Variants in MMEL1 observed in about 807,000 individuals in gnomAD.
The protein encoded by MMEL1 is membrane metalloendopeptidase like 1, also known as membrane metallo-endopeptidase-like 1.
A neutral mutation model predicts 117.1 loss-of-function variants in MMEL1; 98 were observed. That is an observed-to-expected ratio of 0.84 (90% CI 0.71 to 0.99). The LOEUF is 0.99. Among genes scored for constraint, MMEL1 ranks in the 50% least tolerant of loss-of-function variants. The pLI, the probability that MMEL1 is intolerant of heterozygous loss-of-function variation, is 0.00. For missense variants in MMEL1, 1,014 were observed against 1,049.1 expected (o/e 0.97, Z 0.46); for synonymous variants, 390 against 415.1 (o/e 0.94, Z 0.74).
chr1:2,590,857 C>T lies in MMEL1; in HGVS notation c.*133G>A. ...AGGTGGCTGCACCCTAGGCCAGGCG[C>T]AGAGGCCTGGCAGGCAGGCTTGGCA... is the stretch of plus-strand genomic sequence containing the variant. On this transcript the variant is annotated 3_prime_UTR_variant, in exon 24 of 24. Transcript: ENST00000378412. 1 of 646,648 alleles carries T rather than the reference C, an allele frequency of 1.5e-6. No individual in the cohort carries two copies. The highest frequency in any genetic ancestry group is 2.3e-6 in the Non-Finnish European group (1 of 426,378). The allele number at this position is 646,648 out of a possible 1,614,324, so 40.1% of individuals were successfully genotyped here.
At chr1:2,598,960 T>C (rs1644890013) in intron 11 of MMEL1, among the ~76,000 whole-genome samples, 170 bp from the exon 12 acceptor site, 1 of 152,102 alleles carries the variant, frequency 6.6e-6, no homozygotes, top group Admixed American at 6.5e-5. Context: ...CCTACAGCTG[T>C]AAAAACCCAA....
In MMEL1 at chr1:2,590,787, G is replaced by C; in HGVS notation, c.*203C>G. The C allele has an allele frequency of 2.4e-6, 1 of 411,304 alleles. No individual in the cohort carries two copies. The highest frequency in any genetic ancestry group is 4.3e-6 in the Non-Finnish European group (1 of 233,808). 25.5% of individuals were successfully genotyped at this position (411,304 alleles called of 1,614,324 possible). On this transcript the variant is annotated 3_prime_UTR_variant, in exon 24 of 24. Transcript: ENST00000378412. Reference sequence around the variant, plus strand: ...CGCGGGTGTCTGTGGAGGGGGCTCCGGTCCAGGTACTGCACTGGACACTGC... The same window carrying C: ...CGCGGGTGTCTGTGGAGGGGGCTCCCGTCCAGGTACTGCACTGGACACTGC...
intron 19 of MMEL1, 83 bp from the exon 20 acceptor site, chr1:2,593,049 T>TCCTGCCCCTCCTGCAG (rs1553137545): frequency 1.3e-6 from 2 of 1,517,802 alleles, no homozygotes; most frequent in Non-Finnish European, 8.9e-7. Flanking sequence ...GCCTGGCCGC[T>TCCTGCCCCTCCTGCAG]CCTGCCCCTC....
At position 2,595,672 on chromosome 1, in the gene MMEL1, G is replaced by C. The variant is rs1644824506; in HGVS notation, c.1501-313C>G. 6.6e-6 allele frequency among the ~76,000 whole-genome samples: 1 copy of C among 152,142 alleles called. No individual in the cohort carries two copies. The highest frequency in any genetic ancestry group is 1.5e-5 in the Non-Finnish European group (1 of 68,010). ...GGCTGCCGTCTGTCACTTGGGTCCA[G>C]AGGAGCTTCTGGTGGGTCTGACCCT... On this transcript the variant is annotated intron_variant, in intron 15 of 23. Transcript: ENST00000378412. The surrounding 1 kb of genome is among the most constrained non-coding windows in gnomAD (Gnocchi z 4.8).
chr1:2,611,260 C>T (rs369344739), intron 4 of MMEL1, 21 bp downstream of exon 4: 5 of 1,569,572 alleles, frequency 3.2e-6, no homozygotes, highest in East Asian at 2.4e-5. Context: ...AGGCTGTGGA[C>T]GGCAAGGGGG....
Position 2,591,017 on chromosome 1 carries a change from G to T in MMEL1, c.2313C>A (p.His771Gln), listed in dbSNP as rs750816175. 3.1e-6 allele frequency: 5 copies of T among 1,603,880 alleles called. No homozygotes were observed. The highest frequency in any genetic ancestry group is 4.3e-6 in the Non-Finnish European group (5 of 1,176,306). The part of the protein sequence containing the change: ...TFHCARGTPM[H>Q]PKERCRVW ...ACCACACGCGGCATCGCTCCTTGGG[G>T]TGCATGGGGGTGCCCCGGGCACAGT... The change falls in exon 24 of 24, where the codon CAC becomes CAA. Residue 771 changes from histidine (H) to glutamine (Q), a missense_variant. Coordinates refer to ENST00000378412, the MANE Select transcript of MMEL1 (RefSeq NM_033467.4).
At chr1:2,619,636 C>T (rs1282898263) in intron 2 of MMEL1, among the ~76,000 whole-genome samples, 4 of 131,092 alleles carry the variant, frequency 3.1e-5, no homozygotes, top group African/African-American at 9.0e-5. Flanking sequence ...CCAGCCTGGG[C>T]GACAGAGTGA....
In MMEL1 at chr1:2,611,357, G is replaced by C; in HGVS notation, c.233-17C>G. On this transcript the variant is annotated splice_polypyrimidine_tract_variant and intron_variant, in intron 3 of 23. Coordinates refer to ENST00000378412, the MANE Select transcript of MMEL1 (RefSeq NM_033467.4). ...CTGGGATCCCTGCGGGCAAGGAGCA[G>C]CCTGAGCACCGGGAGCCACGGAGAG... is the stretch of plus-strand genomic sequence containing the variant. 1 of 1,506,816 alleles carries C rather than the reference G, an allele frequency of 6.6e-7. No homozygotes were observed. The highest frequency in any genetic ancestry group is 1.3e-5 in the South Asian group (1 of 76,790). The allele number at this position is 1,506,816 out of a possible 1,614,324, so 93.3% of individuals were successfully genotyped here.
Position 2,596,622 on chromosome 1 carries a change from A to G in MMEL1, c.1340T>C (p.Met447Thr), listed in dbSNP as rs1456573133. ...GTAGAGGGAGCCCACGGCGTTCTCC[A>G]TGTTGCTGTTGACGTAGCCCACACA... Reference protein sequence around the residue: ...RECVGYVNSNMENAVGSLYVR... With the variant: ...RECVGYVNSNTENAVGSLYVR... The change falls in exon 14 of 24, where the codon ATG becomes ACG. Residue 447 changes from methionine (M) to threonine (T), a missense_variant. Met to Thr is a moderately conservative substitution (Grantham distance 81). Transcript: ENST00000378412. 2 of 1,613,240 alleles carry G rather than the reference A, an allele frequency of 1.2e-6. No homozygotes were observed. The highest frequency in any genetic ancestry group is 3.3e-5 in the Admixed American group (2 of 60,020).
At position 2,596,101 on chromosome 1, in the gene MMEL1, C is replaced by T. The variant is rs1644834805; in HGVS notation, c.1408G>A (p.Glu470Lys). Residue 470 changes from glutamate to lysine, a missense_variant, in exon 15 of 24, where the codon GAA becomes AAA. By Grantham distance (56) the Glu-to-Lys change is moderately conservative. Coordinates refer to ENST00000378412, the MANE Select transcript of MMEL1 (RefSeq NM_033467.4). The part of the protein sequence containing the change: ...FPGDSKSMVR[E>K]LIDKVRTVFV... ...ACTGTCCGCACCTTGTCAATGAGTTCTCTGACCTGGGAATCGGGCATGGCC... is the reference window on the plus strand; with the variant it reads ...ACTGTCCGCACCTTGTCAATGAGTTTTCTGACCTGGGAATCGGGCATGGCC... 6.2e-7 allele frequency: 1 copy of T among 1,613,924 alleles called. No individual in the cohort carries two copies. The highest frequency in any genetic ancestry group is 1.7e-5 in the Admixed American group (1 of 60,012).
intron 8 of MMEL1, among the ~76,000 whole-genome samples, chr1:2,605,840 G>A (rs892687005): frequency 6.6e-6 from 1 of 151,992 alleles, no homozygotes; most frequent in Non-Finnish European, 1.5e-5. Context: ...GCGGGGGTGG[G>A]GTGGGGAGGG....
chr1:2,607,144 C>T, intron 6 of MMEL1, 75 bp from the exon 7 acceptor site: 2 of 1,369,424 alleles, frequency 1.5e-6, no homozygotes, highest in Non-Finnish European at 2.1e-6. Flanking sequence ...TGTGGGGGCG[C>T]CGTTGGCCGG....
chr1:2,612,485 C>T lies in MMEL1; in HGVS notation c.155-281G>A, dbSNP rs373807892. 2.6e-5 allele frequency among the ~76,000 whole-genome samples: 4 copies of T among 152,152 alleles called. No homozygotes were observed. The highest frequency in any genetic ancestry group is 3.8e-4 in the East Asian group (2 of 5,196). ...CTCCCTCCACCCACCCCAAGGTCCC[C>T]GATGTGCCAGGGCCTAGAGGGGTCC... On this transcript the variant is annotated intron_variant, in intron 2 of 23. Transcript: ENST00000378412. This position sits in a 1 kb window ranked among gnomAD's most constrained non-coding sequence, Gnocchi z 5.4.
intron 12 of MMEL1, 99 bp from the exon 13 acceptor site, chr1:2,598,399 G>C: frequency 1.5e-6 from 2 of 1,309,244 alleles, no homozygotes; most frequent in Non-Finnish European, 2.2e-6. Flanking sequence ...TTCCACCCCA[G>C]AGAGTTATGG....
chr1:2,609,324 G>A lies in MMEL1; in HGVS notation c.535+15C>T. Reference sequence around the variant, plus strand: ...CGTCCCCTGCCTCGGCCCCTTCCTGGCGGCCCCCACTCACTCTGGTTCATG... The same window carrying A: ...CGTCCCCTGCCTCGGCCCCTTCCTGACGGCCCCCACTCACTCTGGTTCATG... On this transcript the variant is annotated intron_variant, in intron 6 of 23. Coordinates refer to ENST00000378412, the MANE Select transcript of MMEL1 (RefSeq NM_033467.4). 2 of 1,606,858 alleles carry A rather than the reference G, an allele frequency of 1.2e-6. No individual in the cohort carries two copies. Among genetic ancestry groups the A allele is most frequent in the African/African-American group, 2.7e-5 (2 of 74,930 alleles).
rs764372982 is a variant in MMEL1, at chr1:2,604,329, GC to G, written c.817-49del. On this transcript the variant is annotated intron_variant, in intron 9 of 23. Transcript: ENST00000378412. ...GAGCTGGGTGGCCTCAGCCACCATG[GC>G]CCCCAGGGAGTTTTCTGTGGGGGTG... 17 of 1,601,380 alleles carry G rather than the reference GC, an allele frequency of 1.1e-5. No individual in the cohort carries two copies. The East Asian group carries it at 1.6e-4, about 15-fold the overall frequency.
At chr1:2,631,660 G>A (rs901784702) in intron 1 of MMEL1, among the ~76,000 whole-genome samples, 14 of 152,064 alleles carry the variant, frequency 9.2e-5, no homozygotes, top group Admixed American at 2.0e-4. Context: ...GAACCGCAGC[G>A]TTCATGCATC....
At chr1:2,617,176 C>T (rs1254972291) in intron 2 of MMEL1, among the ~76,000 whole-genome samples, 1 of 151,730 alleles carries the variant, frequency 6.6e-6, no homozygotes, top group Non-Finnish European at 1.5e-5. Context: ...GCCTGTAATC[C>T]CAGCACTTTG....
chr1:2,602,324 A>G (rs920291766), intron 11 of MMEL1, among the ~76,000 whole-genome samples: 1 of 152,108 alleles, frequency 6.6e-6, no homozygotes, highest in Non-Finnish European at 1.5e-5. Context: ...GCGATTCTGA[A>G]CATCATAAAT....
Sources: gnomAD v4.1 joint callset for allele counts (sites outside exome capture counted in the v4.1 genomes callset) on GRCh38, gnomAD v4.1.1 for gene constraint, Gnocchi (gnomAD v3.1) non-coding constraint, MANE v1.5 for transcripts, NCBI Gene and HGNC (gene_info 2026-07-23, HGNC 2026-07-21) for gene names.